Variants in KMT2C observed in about 807,000 individuals in gnomAD.
KMT2C encodes the protein histone-lysine N-methyltransferase 2C.
Under a neutral mutation model 507.9 loss-of-function variants are expected in KMT2C, and 88 were observed. That is an observed-to-expected ratio of 0.17 (90% CI 0.15 to 0.21). KMT2C has a LOEUF of 0.21. Among genes scored for constraint, KMT2C ranks in the 10% least tolerant of loss-of-function variants. The pLI, the probability that KMT2C is intolerant of heterozygous loss-of-function variation, is 1.00. For synonymous variants in KMT2C, 2,049 were observed against 2,080.8 expected (o/e 0.98, Z 0.42); for missense variants, 4,954 against 5,957.8 (o/e 0.83, Z 5.55).
At chr7:152,146,466 T>C in intron 53 of KMT2C, 133 bp downstream of exon 53, 1 of 835,466 alleles carries the variant, frequency 1.2e-6, no homozygotes, top group Non-Finnish European at 1.9e-6. Context: ...GCCTTATTCC[T>C]CTAAGAGAAA....
intron 2 of KMT2C, among the ~76,000 whole-genome samples, chr7:152,340,986 T>C (rs950202175): frequency 1.3e-5 from 2 of 152,242 alleles, no homozygotes; most frequent in African/African-American, 4.8e-5. Flanking sequence ...TTTTCCTACA[T>C]AACTTTTAAA....
chr7:152,366,398 A>G (rs774291240), intron 1 of KMT2C, among the ~76,000 whole-genome samples: 1 of 152,226 alleles, frequency 6.6e-6, no homozygotes, highest in Non-Finnish European at 1.5e-5. Context: ...GTGGAATACT[A>G]TGCAGCCTTA....
In KMT2C at chr7:152,163,579, G is replaced by A; in HGVS notation, c.9998C>T (p.Pro3333Leu). ...AGGAGCACTGTTGGGTTGCCATCCA[G>A]GTAAACTGGGCATTCTAACAGGGCT... ...HTSPVRMPSL[P>L]GWQPNSAPAH... Residue 3333 changes from proline to leucine, a missense_variant, in exon 43 of 59, where the codon CCT (proline) becomes CTT (leucine). By Grantham distance (98) the Pro-to-Leu change is moderately conservative. Around this residue, in one of 29 missense-constraint regions of KMT2C, gnomAD observed 801 missense variants for 751.2 expected, o/e 1.07. Coordinates refer to ENST00000262189, the MANE Select transcript of KMT2C (RefSeq NM_170606.3). 6.2e-7 allele frequency: 1 copy of A among 1,605,262 alleles called. No individual in the cohort carries two copies. The highest frequency in any genetic ancestry group is 8.5e-7 in the Non-Finnish European group (1 of 1,174,592).
At chr7:152,413,285 AC>A (rs1471415197) in intron 1 of KMT2C, among the ~76,000 whole-genome samples, 2 of 151,870 alleles carry the variant, frequency 1.3e-5, no homozygotes, top group African/African-American at 4.8e-5. Flanking sequence ...TGGATAATTT[AC>A]GTATTTTTTG....
chr7:152,209,762 A>G (rs13227752), intron 23 of KMT2C, among the ~76,000 whole-genome samples: 3 of 150,292 alleles, frequency 2.0e-5, no homozygotes, highest in Admixed American at 2.0e-4. Context: ...AAAAAAAAAG[A>G]CAATAGGAAA....
At chr7:152,434,622 T>C (rs1166620354) in intron 1 of KMT2C, among the ~76,000 whole-genome samples, 1 of 152,188 alleles carries the variant, frequency 6.6e-6, no homozygotes, top group Non-Finnish European at 1.5e-5. Context: ...CACGCCATTC[T>C]ACAACTTCGA....
At chr7:152,403,715 TACACACACACACAC>T (rs36191060) in intron 1 of KMT2C, among the ~76,000 whole-genome samples, 37 of 145,044 alleles carry the variant, frequency 2.6e-4, no homozygotes, top group African/African-American at 5.7e-4. Flanking sequence ...CTGGGACACA[TACACACACACACAC>T]ACACACACAC....
intron 6 of KMT2C, among the ~76,000 whole-genome samples, chr7:152,286,713 G>A (rs2129183927): frequency 6.6e-6 from 1 of 152,206 alleles, no homozygotes; most frequent in South Asian, 2.1e-4. Flanking sequence ...ACAACAAAAT[G>A]TAGAGAGAGG....
intron 6 of KMT2C, among the ~76,000 whole-genome samples, chr7:152,278,089 G>A (rs2096120884): frequency 6.6e-6 from 1 of 152,042 alleles, no homozygotes; most frequent in African/African-American, 2.4e-5. Context: ...GGCCTTATGG[G>A]AGGTGTTTGG....
At chr7:152,197,734 A>T (rs759241455) in intron 27 of KMT2C, among the ~76,000 whole-genome samples, 32 of 152,150 alleles carry the variant, frequency 2.1e-4, no homozygotes, top group Non-Finnish European at 2.4e-4. Flanking sequence ...TAAAATTGAT[A>T]TAATAGGCTA....
At chr7:152,345,298 T>A in intron 2 of KMT2C, among the ~76,000 whole-genome samples, 1 of 152,012 alleles carries the variant, frequency 6.6e-6, no homozygotes, top group Admixed American at 6.6e-5. Flanking sequence ...TAGTCCCAGC[T>A]ACTTGGGAGG....
At chr7:152,397,555 C>A (rs952530582) in intron 1 of KMT2C, among the ~76,000 whole-genome samples, 5 of 152,146 alleles carry the variant, frequency 3.3e-5, no homozygotes, top group African/African-American at 1.2e-4. Flanking sequence ...TGCACAGTAA[C>A]ACCAATCGTT....
chr7:152,411,085 C>T (rs1296001213), intron 1 of KMT2C, among the ~76,000 whole-genome samples: 1 of 152,166 alleles, frequency 6.6e-6, no homozygotes, highest in Non-Finnish European at 1.5e-5. Context: ...ATAACTAGTG[C>T]TGTCATACTT....
At chr7:152,217,888 A>G (rs1481059276) in intron 23 of KMT2C, among the ~76,000 whole-genome samples, 1 of 152,190 alleles carries the variant, frequency 6.6e-6, no homozygotes, top group Non-Finnish European at 1.5e-5. Flanking sequence ...TGTGAAATGG[A>G]GCACTTCCCA....
At chr7:152,272,721 A>G (rs138713696) in intron 7 of KMT2C, among the ~76,000 whole-genome samples, 103 of 152,324 alleles carry the variant, frequency 6.8e-4, no homozygotes, top group African/African-American at 1.6e-3. Flanking sequence ...ATGATTACAT[A>G]TGTGGACACA....
intron 41 of KMT2C, among the ~76,000 whole-genome samples, 168 bp downstream of exon 41, chr7:152,169,018 C>G (rs1054664489): frequency 6.6e-6 from 1 of 152,156 alleles, no homozygotes; most frequent in Non-Finnish European, 1.5e-5. Flanking sequence ...GCAATGAAAA[C>G]ACACGCCTTG....
At chr7:152,301,042 G>A (rs926026549) in intron 6 of KMT2C, among the ~76,000 whole-genome samples, 1 of 151,556 alleles carries the variant, frequency 6.6e-6, no homozygotes, top group East Asian at 1.9e-4. Flanking sequence ...TGGTGACAGA[G>A]GGAAACTTCA....
At chr7:152,328,601 TG>T (rs2096852400) in intron 3 of KMT2C, among the ~76,000 whole-genome samples, 1 of 151,900 alleles carries the variant, frequency 6.6e-6, no homozygotes, top group Non-Finnish European at 1.5e-5. Context: ...GAGTGGAGAG[TG>T]GGGACCTGAT....
At chr7:152,290,217 T>G (rs942182683) in intron 6 of KMT2C, among the ~76,000 whole-genome samples, 1 of 114,080 alleles carries the variant, frequency 8.8e-6, no homozygotes, top group Non-Finnish European at 1.7e-5. Context: ...ATTTTATATA[T>G]ATATGTGTGT....
Sources: gnomAD v4.1 joint callset for allele counts (sites outside exome capture counted in the v4.1 genomes callset) on GRCh38, gnomAD v4.1.1 for gene constraint, gnomAD v4.1.1 regional missense constraint, MANE v1.5 for transcripts, NCBI Gene and HGNC (gene_info 2026-07-23, HGNC 2026-07-21) for gene names.